Variants in SEPTIN7 observed in about 807,000 individuals in gnomAD.
SEPTIN7 encodes the protein septin-7.
A neutral mutation model predicts 63.3 loss-of-function variants in SEPTIN7; 10 were observed. That is an observed-to-expected ratio of 0.16 (90% CI 0.10 to 0.27). SEPTIN7 has a LOEUF of 0.27. Among genes scored for constraint, SEPTIN7 ranks in the 10% least tolerant of loss-of-function variants. The pLI is 1.00. For missense variants in SEPTIN7, 310 were observed against 521.0 expected (o/e 0.59, Z 3.94); for synonymous variants, 131 against 165.3 (o/e 0.79, Z 1.59).
intron 4 of SEPTIN7, among the ~76,000 whole-genome samples, chr7:35,869,007 A>T (rs1377462415): frequency 2.0e-5 from 3 of 152,188 alleles, no homozygotes; most frequent in Admixed American, 2.0e-4. Context: ...TAAGGAGCAC[A>T]TAAGAGGAAT....
intron 1 of SEPTIN7, among the ~76,000 whole-genome samples, chr7:35,804,180 C>T (rs1297304890): frequency 1.3e-5 from 2 of 152,010 alleles, no homozygotes; most frequent in Non-Finnish European, 2.9e-5. Flanking sequence ...CCATGTAGCT[C>T]GCATGGTTAG....
At chr7:35,810,649 C>T (rs1788641931) in intron 1 of SEPTIN7, among the ~76,000 whole-genome samples, 1 of 151,928 alleles carries the variant, frequency 6.6e-6, no homozygotes, top group Admixed American at 6.6e-5. Context: ...AAAATTTCAG[C>T]TGGTACGTTT....
At chr7:35,808,929 G>A (rs1788527067) in intron 1 of SEPTIN7, among the ~76,000 whole-genome samples, 2 of 152,116 alleles carry the variant, frequency 1.3e-5, no homozygotes, top group African/African-American at 2.4e-5. Context: ...ACATTTGTTA[G>A]TGTATCTAAC....
chr7:35,858,106 G>T (rs1785300958), intron 3 of SEPTIN7, among the ~76,000 whole-genome samples: 1 of 151,586 alleles, frequency 6.6e-6, no homozygotes, highest in South Asian at 2.1e-4. Context: ...CCGGGACAGG[G>T]TAATGTTTTT....
chr7:35,819,224 T>C (rs1352826070), intron 1 of SEPTIN7, among the ~76,000 whole-genome samples: 1 of 152,154 alleles, frequency 6.6e-6, no homozygotes, highest in Non-Finnish European at 1.5e-5. Context: ...TATTAAAGAA[T>C]GTACTGTTTA....
Position 35,810,923 on chromosome 7 carries a change from C to T in SEPTIN7, c.61+9653C>T, listed in dbSNP as rs544697271. Among the ~76,000 whole-genome samples, 141 of 152,034 alleles carry T rather than the reference C, an allele frequency of 9.3e-4. 2 individuals are homozygous for T. The East Asian group carries it at 0.023, about 25-fold the overall frequency. On this transcript the variant is annotated intron_variant, in intron 1 of 13. Transcript: ENST00000350320. ...CTGGGATTACAGGCACATGCCACCA[C>T]GCCTGGCTAATTTTTTTGTATTTTT...
chr7:35,827,054 C>T (rs542203839), intron 1 of SEPTIN7, among the ~76,000 whole-genome samples: 1 of 152,120 alleles, frequency 6.6e-6, no homozygotes, highest in South Asian at 2.1e-4. Context: ...ATTTTTCCAT[C>T]AAACAGTGGA....
At chr7:35,873,866 A>G in intron 6 of SEPTIN7, 91 bp downstream of exon 6, 1 of 1,232,922 alleles carries the variant, frequency 8.1e-7, no homozygotes, top group Non-Finnish European at 1.2e-6. Context: ...AAGTTTGTGA[A>G]GTACACACAA....
intron 1 of SEPTIN7, 155 bp from the exon 2 acceptor site, chr7:35,831,337 C>A: frequency 5.6e-6 from 1 of 178,334 alleles, no homozygotes; most frequent in Admixed American, 6.4e-5. Context: ...ACTTTTTTTT[C>A]CCCTCTGTCT....
chr7:35,849,835 A>AC (rs1784876545), intron 3 of SEPTIN7, among the ~76,000 whole-genome samples: 1 of 152,076 alleles, frequency 6.6e-6, no homozygotes, highest in Admixed American at 6.6e-5. Context: ...GGCATTACTG[A>AC]CCATTTTTTC....
intron 6 of SEPTIN7, among the ~76,000 whole-genome samples, chr7:35,877,410 G>A (rs1487765303): frequency 6.6e-6 from 1 of 152,082 alleles, no homozygotes; most frequent in Non-Finnish European, 1.5e-5. Flanking sequence ...AAAAAGGACT[G>A]GACTATCTTA....
chr7:35,913,292 C>T, the SEPTIN7 span, among the ~76,000 whole-genome samples: 8 of 152,320 alleles, frequency 5.3e-5, no homozygotes, highest in African/African-American at 1.9e-4. Context: ...TGACACCCTC[C>T]TGATCTTCTC....
At chr7:35,822,834 C>A (rs137908823) in intron 1 of SEPTIN7, among the ~76,000 whole-genome samples, 2 of 152,292 alleles carry the variant, frequency 1.3e-5, no homozygotes, top group African/African-American at 4.8e-5. Context: ...TTTTCTACCC[C>A]TTCTTAAAAT....
intron 3 of SEPTIN7, among the ~76,000 whole-genome samples, chr7:35,851,029 T>G (rs1784930277): frequency 1.3e-5 from 2 of 152,232 alleles, no homozygotes; most frequent in Middle Eastern, 3.4e-3. Context: ...AAACCTGACG[T>G]TAGCTATTAT....
At chr7:35,890,604 C>T in intron 10 of SEPTIN7, 64 bp from the exon 11 acceptor site, 2 of 1,317,750 alleles carry the variant, frequency 1.5e-6, no homozygotes, top group Non-Finnish European at 1.9e-6. Flanking sequence ...CATATTAAAA[C>T]TTTTTAAGCT....
intron 4 of SEPTIN7, among the ~76,000 whole-genome samples, chr7:35,865,435 G>A (rs1251986958): frequency 2.0e-5 from 3 of 152,102 alleles, no homozygotes; most frequent in Admixed American, 6.6e-5. Flanking sequence ...TGAAGATTAC[G>A]TCTGTATTAT....
chr7:35,822,209 A>C (rs1342027235), intron 1 of SEPTIN7, among the ~76,000 whole-genome samples: 4 of 151,888 alleles, frequency 2.6e-5, no homozygotes, highest in Non-Finnish European at 5.9e-5. Context: ...CTTCCTGAGG[A>C]GCTGGGACTA....
intron 4 of SEPTIN7, among the ~76,000 whole-genome samples, chr7:35,871,498 A>T (rs1786147858): frequency 6.6e-6 from 1 of 152,224 alleles, no homozygotes; most frequent in African/African-American, 2.4e-5. Flanking sequence ...TGCTGCTCAT[A>T]ATAGTTGATA....
intron 10 of SEPTIN7, among the ~76,000 whole-genome samples, chr7:35,888,012 T>G (rs1787373274): frequency 6.6e-6 from 1 of 152,138 alleles, no homozygotes; most frequent in South Asian, 2.1e-4. Flanking sequence ...TCTTGCTAAT[T>G]AAGAGAACTA....
Sources: allele counts gnomAD v4.1 joint callset (sites outside exome capture counted in the v4.1 genomes callset), GRCh38; gene constraint gnomAD v4.1.1; transcripts MANE v1.5; gene names NCBI Gene and HGNC (gene_info 2026-07-23, HGNC 2026-07-21).